Variants in C19orf44 observed in about 807,000 individuals in gnomAD.
C19orf44 encodes the protein uncharacterized protein C19orf44.
C19orf44 carries 43 observed loss-of-function variants against 50.7 expected under a neutral mutation model. That is an observed-to-expected ratio of 0.85 (90% CI 0.66 to 1.09). C19orf44 has a LOEUF of 1.09. Ranked by LOEUF, C19orf44 falls within the 50% of genes least tolerant of loss-of-function variation. The pLI, the probability that C19orf44 is intolerant of heterozygous loss-of-function variation, is 0.00. For missense variants in C19orf44, 722 were observed against 836.2 expected (o/e 0.86, Z 1.68); for synonymous variants, 298 against 334.7 (o/e 0.89, Z 1.20).
intron 7 of C19orf44, among the ~76,000 whole-genome samples, chr19:16,515,713 T>C (rs2093469611): frequency 6.6e-6 from 1 of 151,978 alleles, no homozygotes; most frequent in Non-Finnish European, 1.5e-5. Flanking sequence ...GGATTACAGG[T>C]GCGAGCCACC....
At chr19:16,516,843 G>A (rs1391889215) in intron 7 of C19orf44, among the ~76,000 whole-genome samples, 1 of 152,196 alleles carries the variant, frequency 6.6e-6, no homozygotes, top group Non-Finnish European at 1.5e-5. Context: ...AGCCCTCTGG[G>A]GGCTTTGAAC....
In C19orf44 at chr19:16,509,736, ACAGT is replaced by A. The variant is rs1365999227; in HGVS notation, c.1391_1394del (p.Val464AlafsTer14). On this transcript the variant is annotated frameshift_variant, in exon 5 of 9. Coordinates refer to ENST00000221671, the MANE Select transcript of C19orf44 (RefSeq NM_032207.4). LOFTEE classifies it high-confidence loss of function. ...ACCATCTGAAGCCCCCATGGTGAAC[ACAGT>A]CAGCTCAGCTTATTCGGAGGATTTT... 2.5e-6 allele frequency: 4 copies of A among 1,614,250 alleles called. No homozygotes were observed. In the Admixed American group the frequency reaches 5.0e-5, roughly 20 times the overall value.
chr19:16,506,879 T>G, intron 4 of C19orf44, 105 bp downstream of exon 4: 1 of 786,718 alleles, frequency 1.3e-6, no homozygotes, highest in Non-Finnish European at 2.0e-6. Flanking sequence ...TCTCACTATG[T>G]TGCCCAGGCC....
chr19:16,506,635 T>G, intron 3 of C19orf44, 66 bp from the exon 4 acceptor site: 1 of 1,087,026 alleles, frequency 9.2e-7, no homozygotes, highest in South Asian at 1.7e-5. Context: ...TTTGGAAGGT[T>G]TGTAAAAATT....
At position 16,519,944 on chromosome 19, in the gene C19orf44, AGAT is replaced by A. The variant is rs1304192047; in HGVS notation, c.*41-148_*41-146del. 3.0e-6 allele frequency: 2 copies of A among 666,234 alleles called. No individual in the cohort carries two copies. The highest frequency in any genetic ancestry group is 5.1e-6 in the Non-Finnish European group (2 of 389,206). 41.3% of individuals were successfully genotyped at this position (666,234 alleles called of 1,614,324 possible). ...ATTGAGAGCAGGACACCTCCAACCC[AGAT>A]GGTGGTTAGAAAGCAGACCCCAGTT... On this transcript the variant is annotated intron_variant, in intron 8 of 8. Transcript: ENST00000221671. This position sits in a 1 kb window ranked among gnomAD's most constrained non-coding sequence, Gnocchi z 6.0.
At chr19:16,498,929 C>A (rs1483485907) in intron 1 of C19orf44, among the ~76,000 whole-genome samples, 4 of 152,266 alleles carry the variant, frequency 2.6e-5, no homozygotes, top group Non-Finnish European at 5.9e-5. Context: ...CTCGGCCTCC[C>A]AAAGTGCTGG....
At chr19:16,503,022 C>T (rs1272807798) in intron 2 of C19orf44, 43 bp from the exon 3 acceptor site, 2 of 1,550,880 alleles carry the variant, frequency 1.3e-6, no homozygotes, top group Non-Finnish European at 1.7e-6. Flanking sequence ...AACAAAAAAC[C>T]TTAGTTGTCA....
chr19:16,501,618 G>A, intron 2 of C19orf44, 67 bp downstream of exon 2: 1 of 1,167,766 alleles, frequency 8.6e-7, no homozygotes, highest in South Asian at 3.2e-5. Context: ...TTGAGATGGA[G>A]TTTTGCTCTT....
intron 4 of C19orf44, 28 bp from the exon 5 acceptor site, chr19:16,509,471 C>T (rs2093449963): frequency 2.0e-6 from 3 of 1,526,700 alleles, no homozygotes; most frequent in Non-Finnish European, 2.6e-6. Flanking sequence ...AAACACTTCC[C>T]AGCCACCTCT....
intron 1 of C19orf44, among the ~76,000 whole-genome samples, chr19:16,498,327 G>A (rs753108022): frequency 6.6e-6 from 1 of 151,990 alleles, no homozygotes; most frequent in Non-Finnish European, 1.5e-5. Flanking sequence ...CCTATCATCC[G>A]GGCTGGAGTC....
intron 4 of C19orf44, among the ~76,000 whole-genome samples, chr19:16,508,007 G>T (rs568988455): frequency 6.6e-6 from 1 of 151,560 alleles, no homozygotes; most frequent in Non-Finnish European, 1.5e-5. Context: ...GGGTTTCACC[G>T]TGTTAGCCAG....
chr19:16,521,232 G>T lies in C19orf44; in HGVS notation c.*1179G>T. On this transcript the variant is annotated 3_prime_UTR_variant, in exon 9 of 9. Coordinates refer to ENST00000221671, the MANE Select transcript of C19orf44 (RefSeq NM_032207.4). ...CTGCAGCCCAGCACAGGAAGGAGGG[G>T]TGACCACTGGGAAGGGTGGGCTGAG... The T allele has an allele frequency of 1.7e-6, 1 of 572,486 alleles. No individual in the cohort carries two copies. Among genetic ancestry groups the T allele is most frequent in the Non-Finnish European group, 3.1e-6 (1 of 321,142 alleles). 35.5% of individuals were successfully genotyped at this position (572,486 alleles called of 1,614,324 possible).
rs1050013566 is a variant in C19orf44 at position 16,519,917 on chromosome 19, G to A, written c.*41-177G>A. ...GACGCTGGCCCCCACCCCACGCTCA[G>A]CATTGAGAGCAGGACACCTCCAACC... On this transcript the variant is annotated intron_variant, in intron 8 of 8. Coordinates refer to ENST00000221671, the MANE Select transcript of C19orf44 (RefSeq NM_032207.4). This position sits in a 1 kb window ranked among gnomAD's most constrained non-coding sequence, Gnocchi z 6.0. The A allele has an allele frequency of 7.7e-5, 51 of 659,516 alleles. No homozygotes were observed. The East Asian group carries it at 1.4e-3, about 18-fold the overall frequency. The allele number at this position is 659,516 out of a possible 1,614,324, so 40.9% of individuals were successfully genotyped here.
chr19:16,502,991 A>C, intron 2 of C19orf44, 74 bp from the exon 3 acceptor site: 1 of 1,449,868 alleles, frequency 6.9e-7, no homozygotes, highest in Non-Finnish European at 9.3e-7. Flanking sequence ...TTTCTCAAAA[A>C]AAAAAAACAA....
chr19:16,507,863 G>C (rs1395343070), intron 4 of C19orf44, among the ~76,000 whole-genome samples: 1 of 151,694 alleles, frequency 6.6e-6, no homozygotes, highest in Non-Finnish European at 1.5e-5. Flanking sequence ...GAGTGCAGTG[G>C]TGTGATCTCA....
In C19orf44 at chr19:16,520,582, T is replaced by C; in HGVS notation, c.*529T>C. 2.0e-6 allele frequency: 3 copies of C among 1,518,212 alleles called. No individual in the cohort carries two copies. The highest frequency in any genetic ancestry group is 2.5e-5 in the South Asian group (2 of 80,324). The allele number at this position is 1,518,212 out of a possible 1,614,324, so 94.0% of individuals were successfully genotyped here. A position where few individuals can be genotyped will look rare whatever the true frequency, so the allele number is the denominator to read the frequency against. ...CAGCCCACCCTGGCCCTCAGGTTCCTAGACCACCCCAGATGCAGGGGCTCT... is the reference window on the plus strand; with the variant it reads ...CAGCCCACCCTGGCCCTCAGGTTCCCAGACCACCCCAGATGCAGGGGCTCT... On this transcript the variant is annotated 3_prime_UTR_variant, in exon 9 of 9. Coordinates refer to ENST00000221671, the MANE Select transcript of C19orf44 (RefSeq NM_032207.4). This position sits in a 1 kb window ranked among gnomAD's most constrained non-coding sequence, Gnocchi z 4.0.
chr19:16,514,429 G>A (rs545922715), intron 6 of C19orf44, 68 bp from the exon 7 acceptor site: 9 of 1,444,560 alleles, frequency 6.2e-6, no homozygotes, highest in African/African-American at 4.4e-5. Context: ...GCACCTGAGC[G>A]GTGGGGGGGG....
At position 16,519,814 on chromosome 19, in the gene C19orf44, A is replaced by G; in HGVS notation, c.*41-280A>G. Reference sequence around the variant, plus strand: ...ACAGCCGCAGCTTGCGTGCATGCTCACTGTCACCAGGTGACACCGTATGCA... The same window carrying G: ...ACAGCCGCAGCTTGCGTGCATGCTCGCTGTCACCAGGTGACACCGTATGCA... On this transcript the variant is annotated intron_variant, in intron 8 of 8. Transcript: ENST00000221671. The surrounding 1 kb of genome is among the most constrained non-coding windows in gnomAD (Gnocchi z 6.0). 2 of 1,032,138 alleles carry G rather than the reference A, an allele frequency of 1.9e-6. No homozygotes were observed. Among genetic ancestry groups the G allele is most frequent in the South Asian group, 1.3e-5 (1 of 77,618 alleles). 63.9% of individuals were successfully genotyped at this position (1,032,138 alleles called of 1,614,324 possible). A position where few individuals can be genotyped will look rare whatever the true frequency, so the allele number is the denominator to read the frequency against.
chr19:16,513,524 C>T (rs2093463526), intron 6 of C19orf44, among the ~76,000 whole-genome samples: 1 of 152,088 alleles, frequency 6.6e-6, no homozygotes, highest in Non-Finnish European at 1.5e-5. Flanking sequence ...GCTGGGATTA[C>T]AGGCACCTGC....
Sources: allele counts gnomAD v4.1 joint callset (sites outside exome capture counted in the v4.1 genomes callset), GRCh38; gene constraint gnomAD v4.1.1; non-coding constraint Gnocchi (gnomAD v3.1); transcripts MANE v1.5; gene names NCBI Gene and HGNC (gene_info 2026-07-23, HGNC 2026-07-21).